Variants in DYM observed in about 807,000 individuals in gnomAD.
The protein encoded by DYM is dymeclin, also known as dyggve-Melchior-Clausen syndrome protein.
In DYM, 78 loss-of-function variants were observed where a neutral mutation model predicts 93.1. The ratio of observed to expected loss-of-function variants is 0.84; its 90% CI spans 0.70 to 1.01. The LOEUF is 1.01. Ranked by LOEUF, DYM falls within the 50% of genes least tolerant of loss-of-function variation. DYM has a pLI of 0.00. For synonymous variants in DYM, 321 were observed against 319.7 expected, an observed-to-expected ratio of 1.00 and a Z score of -0.04; for missense variants, 789 against 845.0, an observed-to-expected ratio of 0.93 and a Z score of 0.82.
intron 15 of DYM, among the ~76,000 whole-genome samples, chr18:49,120,376 G>A (rs2146019504): frequency 6.6e-6 from 1 of 152,184 alleles, no homozygotes; most frequent in East Asian, 1.9e-4. Context: ...GTAAAAGGAT[G>A]GAAAAAGATA....
chr18:49,335,854 C>T (rs1474042288), intron 6 of DYM, among the ~76,000 whole-genome samples: 1 of 151,672 alleles, frequency 6.6e-6, no homozygotes, highest in Non-Finnish European at 1.5e-5. Flanking sequence ...GTGTCTGTCA[C>T]CTAGGCTGAC....
chr18:49,093,779 G>A (rs1040934078), intron 17 of DYM, among the ~76,000 whole-genome samples: 3 of 152,118 alleles, frequency 2.0e-5, no homozygotes, highest in African/African-American at 4.8e-5. Flanking sequence ...ATAGAGAACT[G>A]ACAAAGAAAC....
intron 17 of DYM, among the ~76,000 whole-genome samples, chr18:49,078,552 C>T (rs75594797): frequency 0.026 from 3,962 of 152,092 alleles, 63 homozygotes; most frequent in South Asian, 0.067. Context: ...TATTCCCTTC[C>T]GGCTCTTTCC....
chr18:49,076,490 T>A (rs1290500), intron 17 of DYM, among the ~76,000 whole-genome samples: 57,811 of 152,054 alleles, frequency 0.38, 12,049 homozygotes, highest in East Asian at 0.65. Context: ...TCTGGAGCCA[T>A]TTTATGTTTT....
In DYM at chr18:49,363,185, T is replaced by C. The variant is rs897866690; in HGVS notation, c.470A>G (p.Gln157Arg). ...LLEELLCCLM[Q>R]LITDIPLLDI... ...CAAGAGTGGAATATCAGTGATCAAC[T>C]GCATCAAACAGCACAGCAATTCTTC... Residue 157 changes from glutamine to arginine, a missense_variant, in exon 6 of 18, where the codon CAG (glutamine) becomes CGG (arginine). Transcript: ENST00000675505. 6.2e-7 allele frequency: 1 copy of C among 1,613,800 alleles called. No homozygotes were observed. The highest frequency in any genetic ancestry group is 8.5e-7 in the Non-Finnish European group (1 of 1,179,872).
chr18:49,392,765 G>T (rs1333207955), intron 2 of DYM, among the ~76,000 whole-genome samples: 2 of 150,092 alleles, frequency 1.3e-5, no homozygotes, highest in African/African-American at 4.9e-5. Flanking sequence ...GGAGGCTGAG[G>T]AGGGCAGATA....
intron 8 of DYM, among the ~76,000 whole-genome samples, chr18:49,294,081 C>T (rs1209457862): frequency 1.3e-5 from 2 of 152,054 alleles, no homozygotes; most frequent in African/African-American, 4.8e-5. Context: ...GAATCCTTTC[C>T]CTGTTGCTTG....
intron 13 of DYM, among the ~76,000 whole-genome samples, chr18:49,231,988 A>T (rs1478955366): frequency 1.3e-5 from 2 of 152,196 alleles, no homozygotes; most frequent in African/African-American, 4.8e-5. Context: ...ATTTTAAAAC[A>T]TGTAATTCCT....
In DYM at chr18:49,105,713, C is replaced by A. The variant is rs889379356; in HGVS notation, c.1912-8198G>T. Among the ~76,000 whole-genome samples the A allele has an allele frequency of 3.3e-5, 5 of 152,246 alleles. No individual in the cohort carries two copies. The South Asian group carries it at 6.2e-4, about 19-fold the overall frequency. On this transcript the variant is annotated intron_variant, in intron 16 of 17. Coordinates refer to ENST00000675505, the MANE Select transcript of DYM (RefSeq NM_001353214.3). ...GTTGTTCAGTTTCCATGTAGTTGAG[C>A]GGTTTTGAGTGAGTTTCTTAATCCT...
chr18:49,280,169 T>C (rs534537772), intron 10 of DYM, among the ~76,000 whole-genome samples: 89 of 152,348 alleles, frequency 5.8e-4, no homozygotes, highest in African/African-American at 1.5e-3. Flanking sequence ...TTGCCCCTTA[T>C]AGAAACACTG....
chr18:49,236,883 G>A (rs2093883355), intron 13 of DYM, among the ~76,000 whole-genome samples: 1 of 152,102 alleles, frequency 6.6e-6, no homozygotes, highest in Non-Finnish European at 1.5e-5. Context: ...AGGAATCAGT[G>A]GTCCCTCATC....
intron 1 of DYM, among the ~76,000 whole-genome samples, chr18:49,435,387 T>C (rs143178731): frequency 3.4e-4 from 47 of 139,910 alleles, no homozygotes; most frequent in Admixed American, 9.5e-4. Context: ...TGCTTGTAAA[T>C]GTAGATTACA....
intron 2 of DYM, among the ~76,000 whole-genome samples, chr18:49,398,546 A>C (rs12605789): frequency 0.092 from 14,013 of 152,248 alleles, 867 homozygotes; most frequent in East Asian, 0.31. Context: ...AGAGAAAGCC[A>C]GTTAGTAAGA....
At chr18:49,044,343 G>A in intron 17 of DYM, 139 bp from the exon 18 acceptor site, 1 of 874,606 alleles carries the variant, frequency 1.1e-6, no homozygotes, top group Non-Finnish European at 1.9e-6. Flanking sequence ...AAAGCTCTGG[G>A]GCTTTAAAAT....
At chr18:49,367,792 C>T (rs544113332) in intron 5 of DYM, among the ~76,000 whole-genome samples, 4 of 152,174 alleles carry the variant, frequency 2.6e-5, no homozygotes, top group Non-Finnish European at 4.4e-5. Flanking sequence ...AAAACTTAAT[C>T]GAACAGGGCT....
intron 17 of DYM, among the ~76,000 whole-genome samples, chr18:49,079,381 A>G: frequency 6.6e-6 from 1 of 150,914 alleles, no homozygotes; most frequent in East Asian, 1.9e-4. Flanking sequence ...TTAATGTTAC[A>G]TTGTAGAGAT....
intron 15 of DYM, among the ~76,000 whole-genome samples, chr18:49,152,899 G>C (rs1016341643): frequency 1.3e-5 from 2 of 152,110 alleles, no homozygotes; most frequent in Non-Finnish European, 2.9e-5. Context: ...ATCTCACTTA[G>C]ATGTGAAATC....
At chr18:49,311,437 T>C (rs2061580988) in intron 8 of DYM, among the ~76,000 whole-genome samples, 2 of 152,210 alleles carry the variant, frequency 1.3e-5, no homozygotes, top group African/African-American at 4.8e-5. Context: ...AAGATGTTTA[T>C]TGCAGCATTA....
At chr18:49,440,053 T>TAAATAAAA (rs1027109868) in intron 1 of DYM, among the ~76,000 whole-genome samples, 6 of 116,332 alleles carry the variant, frequency 5.2e-5, no homozygotes, top group Non-Finnish European at 1.1e-4. Context: ...AATAAATAAA[T>TAAATAAAA]AAAACATGAT....
Sources: allele counts gnomAD v4.1 joint callset (sites outside exome capture counted in the v4.1 genomes callset), GRCh38; gene constraint gnomAD v4.1.1; transcripts MANE v1.5; gene names NCBI Gene and HGNC (gene_info 2026-07-23, HGNC 2026-07-21).